GRID2: variants seen among roughly 807,000 people sequenced by gnomAD.
The protein encoded by GRID2 is glutamate receptor ionotropic, delta-2.
Under a neutral mutation model 114.8 loss-of-function variants are expected in GRID2, and 33 were observed. That is an observed-to-expected ratio of 0.29 (90% confidence interval 0.22 to 0.38). The LOEUF is 0.38. GRID2 is among the 10% of genes least tolerant of loss of function. The pLI, the probability that GRID2 is intolerant of heterozygous loss-of-function variation, is 1.00. For missense variants in GRID2, 1,184 were observed against 1,257.7 expected, an observed-to-expected ratio of 0.94 and a Z score of 0.89; for synonymous variants, 505 against 449.9, an observed-to-expected ratio of 1.12 and a Z score of -1.55.
At chr4:93,446,308 A>G (rs1722088307) in intron 10 of GRID2, among the ~76,000 whole-genome samples, 1 of 151,964 alleles carries the variant, frequency 6.6e-6, no homozygotes, top group South Asian at 2.1e-4. Flanking sequence ...TCTCCCATTG[A>G]TCAAAGCAAG....
At chr4:93,531,565 G>A (rs182357609) in intron 13 of GRID2, among the ~76,000 whole-genome samples, 2,873 of 151,116 alleles carry the variant, frequency 0.019, 43 homozygotes, top group Non-Finnish European at 0.029. Context: ...AAGATGAAAG[G>A]CATGAAGGGA....
intron 1 of GRID2, among the ~76,000 whole-genome samples, chr4:92,379,509 T>A (rs1304938526): frequency 6.6e-6 from 1 of 152,064 alleles, no homozygotes; most frequent in Non-Finnish European, 1.5e-5. Flanking sequence ...AAAACAAATA[T>A]CTTCTGTATA....
chr4:92,934,451 G>C (rs911460524), intron 2 of GRID2, among the ~76,000 whole-genome samples: 3 of 146,974 alleles, frequency 2.0e-5, no homozygotes, highest in African/African-American at 7.3e-5. Flanking sequence ...GGGTTTTCTA[G>C]ATATACAATC....
intron 2 of GRID2, among the ~76,000 whole-genome samples, chr4:92,907,461 T>C (rs1748041937): frequency 6.6e-6 from 1 of 152,040 alleles, no homozygotes; most frequent in Non-Finnish European, 1.5e-5. Flanking sequence ...TCCCAGGCTG[T>C]AGTGCAATGG....
intron 2 of GRID2, among the ~76,000 whole-genome samples, chr4:92,872,305 A>G (rs1221068855): frequency 1.3e-5 from 2 of 152,218 alleles, no homozygotes; most frequent in Non-Finnish European, 2.9e-5. Flanking sequence ...AAGAAGACAT[A>G]TAAATGGCAA....
intron 13 of GRID2, among the ~76,000 whole-genome samples, chr4:93,580,130 T>C (rs1736816844): frequency 1.3e-5 from 2 of 152,246 alleles, no homozygotes; most frequent in Admixed American, 6.5e-5. Flanking sequence ...TCAGTGAATA[T>C]TGATGAAAAC....
At chr4:93,530,452 A>G (rs1256649679) in intron 13 of GRID2, among the ~76,000 whole-genome samples, 1 of 152,092 alleles carries the variant, frequency 6.6e-6, no homozygotes, top group African/African-American at 2.4e-5. Context: ...GCTTTGTCTT[A>G]TACTCTGCAA....
intron 11 of GRID2, among the ~76,000 whole-genome samples, chr4:93,479,766 T>C (rs1486132375): frequency 6.6e-6 from 1 of 152,044 alleles, no homozygotes; most frequent in African/African-American, 2.4e-5. Flanking sequence ...CCCACCTACA[T>C]TGAAGGTGAA....
chr4:93,275,339 C>T (rs947039202), intron 8 of GRID2, among the ~76,000 whole-genome samples: 1 of 151,570 alleles, frequency 6.6e-6, no homozygotes, highest in Admixed American at 6.6e-5. Context: ...TCAGTTGTTT[C>T]CGCTTTTCCT....
intron 2 of GRID2, among the ~76,000 whole-genome samples, chr4:92,730,581 T>A (rs1736283737): frequency 6.6e-6 from 1 of 152,026 alleles, no homozygotes; most frequent in East Asian, 1.9e-4. Flanking sequence ...AAAGCCATTT[T>A]TACTCAGTCC....
intron 1 of GRID2, among the ~76,000 whole-genome samples, chr4:93,794,272 A>G (rs1227289016): frequency 6.6e-6 from 1 of 152,234 alleles, no homozygotes; most frequent in Non-Finnish European, 1.5e-5. Context: ...ATGCAGACTG[A>G]ATAATGTTTG....
At chr4:92,462,489 T>G (rs1224866946) in intron 1 of GRID2, among the ~76,000 whole-genome samples, 2 of 152,050 alleles carry the variant, frequency 1.3e-5, no homozygotes, top group African/African-American at 4.8e-5. Flanking sequence ...TATTTTGCCT[T>G]GAAAATAAAG....
chr4:92,938,162 G>A (rs1204228740), intron 2 of GRID2, among the ~76,000 whole-genome samples: 1 of 146,558 alleles, frequency 6.8e-6, no homozygotes. Flanking sequence ...AGTTTTGTAT[G>A]TTGAACCACC....
chr4:92,456,781 T>C (rs1007909814), intron 1 of GRID2, among the ~76,000 whole-genome samples: 3 of 152,142 alleles, frequency 2.0e-5, no homozygotes, highest in Non-Finnish European at 2.9e-5. Flanking sequence ...TTCTCCTTAC[T>C]TCTTCCTGGC....
At chr4:92,930,752 A>G (rs1007893875) in intron 2 of GRID2, among the ~76,000 whole-genome samples, 10 of 151,062 alleles carry the variant, frequency 6.6e-5, no homozygotes, top group Admixed American at 1.3e-4. Context: ...ATGAAAATGG[A>G]CACACACATA....
chr4:93,115,402 G>GACACACACACACACAAACACAC (rs1733147014), intron 4 of GRID2, among the ~76,000 whole-genome samples: 1 of 144,474 alleles, frequency 6.9e-6, no homozygotes, highest in Non-Finnish European at 1.5e-5. Context: ...AGTATATACA[G>GACACACACACACACAAACACAC]ACACACACAC....
chr4:93,490,602 G>A (rs1445270334), intron 11 of GRID2, 37 bp from the exon 12 acceptor site: 1 of 1,548,916 alleles, frequency 6.5e-7, no homozygotes, highest in Non-Finnish European at 8.9e-7. Flanking sequence ...ATAAATACTA[G>A]TTGATGTTCT....
At chr4:92,879,129 C>G (rs1745826424) in intron 2 of GRID2, among the ~76,000 whole-genome samples, 1 of 151,860 alleles carries the variant, frequency 6.6e-6, no homozygotes, top group Non-Finnish European at 1.5e-5. Context: ...TGTATATAGA[C>G]AAAGACTAGA....
At chr4:92,953,827 T>A (rs918686701) in intron 2 of GRID2, among the ~76,000 whole-genome samples, 1 of 152,166 alleles carries the variant, frequency 6.6e-6, no homozygotes, top group African/African-American at 2.4e-5. Flanking sequence ...ATATCATATT[T>A]CACAATTTTT....
Sources: allele counts gnomAD v4.1 joint callset (sites outside exome capture counted in the v4.1 genomes callset), GRCh38; gene constraint gnomAD v4.1.1; transcripts MANE v1.5; gene names NCBI Gene and HGNC (gene_info 2026-07-23, HGNC 2026-07-21).